Variants in PKHD1 observed in about 807,000 individuals in gnomAD.
PKHD1 encodes fibrocystin.
In PKHD1, 291 loss-of-function variants were observed where a neutral mutation model predicts 412.0. The ratio of observed to expected loss-of-function variants is 0.71; its 90% CI spans 0.64 to 0.78. PKHD1 has a LOEUF of 0.78. PKHD1 is among the 30% of genes least tolerant of loss of function. The pLI, the probability that PKHD1 is intolerant of heterozygous loss-of-function variation, is 0.00. For synonymous variants in PKHD1, 1,777 were observed against 1,821.5 expected (o/e 0.98, Z 0.62); for missense variants, 4,825 against 4,950.7 (o/e 0.97, Z 0.76).
chr6:52,068,953 C>A (rs897747719), intron 11 of PKHD1, among the ~76,000 whole-genome samples: 1 of 152,198 alleles, frequency 6.6e-6, no homozygotes, highest in African/African-American at 2.4e-5. Context: ...TCTAAGTATT[C>A]TTTAGTAGCC....
In PKHD1 at chr6:52,049,014, T is replaced by C. The variant is rs142165731; in HGVS notation, c.2280-395A>G. ...TTCTGCACCTGCCTTTAATATGCCATTGCAGCATGCTGTAGGTACGAGAAC... is the reference window on the plus strand; with the variant it reads ...TTCTGCACCTGCCTTTAATATGCCACTGCAGCATGCTGTAGGTACGAGAAC... On this transcript the variant is annotated intron_variant, in intron 22 of 66. Coordinates refer to ENST00000371117, the MANE Select transcript of PKHD1 (RefSeq NM_138694.4). 8.5e-4 allele frequency among the ~76,000 whole-genome samples: 130 copies of C among 152,324 alleles called. 1 individual carries two copies. Among genetic ancestry groups the C allele is most frequent in the Admixed American group, 7.7e-3 (118 of 15,306 alleles).
In PKHD1 at chr6:51,934,113, G is replaced by A. The variant is rs1256321459; in HGVS notation, c.6118C>T (p.His2040Tyr). ...LAVRNGTLSL[H>Y]GSLPEVIVTC... ...TCTGATCAATTGCCTCACTCACCGT[G>A]CAGAGAAAGAGTTCCATTCCTCACA... Residue 2040 changes from histidine to tyrosine, a missense_variant, in exon 37 of 67, where the codon CAC becomes TAC. Transcript: ENST00000371117. The A allele has an allele frequency of 1.2e-6, 2 of 1,606,778 alleles. No individual in the cohort carries two copies. The highest frequency in any genetic ancestry group is 1.7e-6 in the Non-Finnish European group (2 of 1,173,246).
At chr6:51,903,115 A>G (rs1256729860) in intron 43 of PKHD1, among the ~76,000 whole-genome samples, 1 of 152,218 alleles carries the variant, frequency 6.6e-6, no homozygotes. Flanking sequence ...ATCAATATCT[A>G]CTTTGTTTTG....
chr6:52,018,295 G>A (rs371141827), intron 33 of PKHD1, among the ~76,000 whole-genome samples: 1 of 152,068 alleles, frequency 6.6e-6, no homozygotes. Flanking sequence ...TATTCAAAGA[G>A]TAGGTACAAG....
At chr6:52,026,581 A>G (rs1802222157) in intron 31 of PKHD1, among the ~76,000 whole-genome samples, 1 of 152,242 alleles carries the variant, frequency 6.6e-6, no homozygotes, top group East Asian at 1.9e-4. Context: ...ATTGTCCTGT[A>G]TACATTCAAC....
At position 51,619,025 on chromosome 6, in the gene PKHD1, T is replaced by A; in HGVS notation, c.*56A>T. ...CAGTCCTCACTTCCCCAGCTTATTA[T>A]CCAGAAATACTGGGAACATTCTGCC... On this transcript the variant is annotated 3_prime_UTR_variant, in exon 67 of 67. Transcript: ENST00000371117. The A allele has an allele frequency of 6.6e-7, 1 of 1,505,838 alleles. No homozygotes were observed. The highest frequency in any genetic ancestry group is 9.2e-7 in the Non-Finnish European group (1 of 1,082,626). 93.3% of individuals were successfully genotyped at this position (1,505,838 alleles called of 1,614,324 possible).
At chr6:51,960,699 AC>A (rs1188254448) in intron 35 of PKHD1, among the ~76,000 whole-genome samples, 2 of 152,118 alleles carry the variant, frequency 1.3e-5, no homozygotes, top group Non-Finnish European at 2.9e-5. Flanking sequence ...ATGCCGACTG[AC>A]TTCAGATGAC....
intron 60 of PKHD1, among the ~76,000 whole-genome samples, chr6:51,660,416 G>A (rs570053890): frequency 2.6e-5 from 4 of 152,098 alleles, no homozygotes; most frequent in African/African-American, 7.2e-5. Context: ...ATACAAACTG[G>A]GTGTCACATA....
rs567506746 is a variant in PKHD1, at chr6:51,807,485, A to ATGTGTGTGTGTGTG, written c.8303-16126_8303-16113dup. 2.7e-4 allele frequency among the ~76,000 whole-genome samples: 30 copies of ATGTGTGTGTGTGTG among 111,758 alleles called. 1 individual carries two copies. Among genetic ancestry groups the ATGTGTGTGTGTGTG allele is most frequent in the African/African-American group, 1.0e-3 (27 of 25,792 alleles). The allele number at this position is 111,758 out of a possible 152,430, so 73.3% of individuals were successfully genotyped here. A position where few individuals can be genotyped will look rare whatever the true frequency, so the allele number is the denominator to read the frequency against. Reference sequence around the variant, plus strand: ...TATATATATATATATATATATGTATATGTGTGTGTGTGTGTGTGTGTGTGT... The same window carrying ATGTGTGTGTGTGTG: ...TATATATATATATATATATATGTATATGTGTGTGTGTGTGTGTGTGTGTGTGTGTGTGTGTGTGT... On this transcript the variant is annotated intron_variant, in intron 52 of 66. Transcript: ENST00000371117.
intron 60 of PKHD1, among the ~76,000 whole-genome samples, chr6:51,684,715 C>A (rs1777187495): frequency 6.6e-6 from 1 of 152,086 alleles, no homozygotes; most frequent in South Asian, 2.1e-4. Context: ...CACAGCTTTA[C>A]TAAGGTCTGA....
At chr6:51,784,679 C>T (rs1792577654) in intron 53 of PKHD1, among the ~76,000 whole-genome samples, 3 of 152,116 alleles carry the variant, frequency 2.0e-5, no homozygotes, top group Admixed American at 2.0e-4. Flanking sequence ...AAATCTAGCC[C>T]ATGAAACTCA....
At chr6:52,085,163 G>C in intron 1 of PKHD1, 146 bp from the exon 2 acceptor site, 1 of 531,918 alleles carries the variant, frequency 1.9e-6, no homozygotes, top group East Asian at 3.3e-5. Context: ...CCAAGCTCAG[G>C]AGAAAAGGAT....
At chr6:52,030,113 G>A (rs1038311534) in intron 29 of PKHD1, among the ~76,000 whole-genome samples, 1 of 152,200 alleles carries the variant, frequency 6.6e-6, no homozygotes, top group Non-Finnish European at 1.5e-5. Context: ...GACTACTGCA[G>A]AGCTGGTATC....
intron 65 of PKHD1, among the ~76,000 whole-genome samples, chr6:51,630,500 A>G (rs997053549): frequency 1.3e-5 from 2 of 152,214 alleles, no homozygotes; most frequent in African/African-American, 4.8e-5. Flanking sequence ...TTTTAAAATA[A>G]GTTAATGAAT....
intron 60 of PKHD1, among the ~76,000 whole-genome samples, chr6:51,704,475 T>C (rs1779788705): frequency 6.6e-6 from 1 of 152,114 alleles, no homozygotes; most frequent in Non-Finnish European, 1.5e-5. Context: ...TGTGGAATTA[T>C]AGACATTTAG....
chr6:51,754,707 C>G, intron 56 of PKHD1, 77 bp downstream of exon 56: 1 of 1,257,754 alleles, frequency 8.0e-7, no homozygotes, highest in Non-Finnish European at 1.2e-6. Context: ...CAATCAGATC[C>G]GAGGTCCCCA....
chr6:51,806,350 T>C (rs762179901), intron 52 of PKHD1, among the ~76,000 whole-genome samples: 4 of 152,106 alleles, frequency 2.6e-5, no homozygotes, highest in South Asian at 4.1e-4. Flanking sequence ...CAGGATTGGA[T>C]AAAGTGTCAA....
intron 60 of PKHD1, among the ~76,000 whole-genome samples, chr6:51,692,071 C>G (rs1778221776): frequency 6.6e-6 from 1 of 152,114 alleles, no homozygotes. Context: ...CCATTTCATA[C>G]CTAACAGCAA....
chr6:52,060,505 A>G (rs1274248604), intron 14 of PKHD1, among the ~76,000 whole-genome samples: 1 of 152,246 alleles, frequency 6.6e-6, no homozygotes, highest in African/African-American at 2.4e-5. Context: ...ATCCACAGAT[A>G]AGCGTCAATT....
Sources: allele counts gnomAD v4.1 joint callset (sites outside exome capture counted in the v4.1 genomes callset), GRCh38; gene constraint gnomAD v4.1.1; transcripts MANE v1.5; gene names NCBI Gene and HGNC (gene_info 2026-07-23, HGNC 2026-07-21).